The following ARHGAP18 variants were observed in gnomAD, a reference collection of about 807,000 sequenced individuals.
ARHGAP18 encodes Rho GTPase activating protein 18.
A neutral mutation model predicts 86.2 loss-of-function variants in ARHGAP18; 67 were observed. The ratio of observed to expected loss-of-function variants is 0.78; its 90% CI spans 0.64 to 0.95. The LOEUF is 0.95. Ranked by LOEUF, ARHGAP18 falls within the 40% of genes least tolerant of loss-of-function variation. The pLI is 0.00. For missense variants in ARHGAP18, 691 were observed against 780.4 expected (o/e 0.89, Z 1.37); for synonymous variants, 283 against 280.4 (o/e 1.01, Z -0.09).
At chr6:129,630,603 G>T (rs572669155) in intron 4 of ARHGAP18, among the ~76,000 whole-genome samples, 6 of 152,240 alleles carry the variant, frequency 3.9e-5, no homozygotes, top group South Asian at 2.1e-4. Context: ...GAAAAATAAT[G>T]TTTATATTCA....
At chr6:129,683,868 G>C (rs1372853824) in intron 1 of ARHGAP18, among the ~76,000 whole-genome samples, 1 of 152,188 alleles carries the variant, frequency 6.6e-6, no homozygotes, top group Non-Finnish European at 1.5e-5. Flanking sequence ...AACCACGGCG[G>C]GGGGGAGTTC....
chr6:129,707,997 C>T (rs1774829860), intron 1 of ARHGAP18, among the ~76,000 whole-genome samples: 1 of 152,016 alleles, frequency 6.6e-6, no homozygotes, highest in African/African-American at 2.4e-5. Flanking sequence ...AGGTGGTCAC[C>T]GAGGACCCCA....
At chr6:129,644,467 G>A (rs559379862) in intron 1 of ARHGAP18, among the ~76,000 whole-genome samples, 53 of 152,282 alleles carry the variant, frequency 3.5e-4, no homozygotes, top group South Asian at 2.5e-3. Context: ...TACCAGGATA[G>A]CTAATGTTAA....
chr6:129,620,614 G>A (rs1789207541), intron 5 of ARHGAP18, among the ~76,000 whole-genome samples: 1 of 152,128 alleles, frequency 6.6e-6, no homozygotes, highest in African/African-American at 2.4e-5. Flanking sequence ...TACAGTTTGG[G>A]TTTACCTTTG....
At chr6:129,704,921 C>T (rs1774778663) in intron 1 of ARHGAP18, among the ~76,000 whole-genome samples, 1 of 152,220 alleles carries the variant, frequency 6.6e-6, no homozygotes, top group Non-Finnish European at 1.5e-5. Flanking sequence ...CTGACCCCTG[C>T]AGTCATGCAG....
At chr6:129,677,906 CAAT>C (rs1376817661) in intron 1 of ARHGAP18, among the ~76,000 whole-genome samples, 1 of 152,082 alleles carries the variant, frequency 6.6e-6, no homozygotes, top group Non-Finnish European at 1.5e-5. Flanking sequence ...TCCCATACAG[CAAT>C]AATATTACCA....
chr6:129,601,947 T>C (rs1788755342), intron 10 of ARHGAP18, among the ~76,000 whole-genome samples: 1 of 152,224 alleles, frequency 6.6e-6, no homozygotes, highest in East Asian at 1.9e-4. Flanking sequence ...TTTTTTAAAA[T>C]GAATGAAAAG....
chr6:129,677,074 G>C (rs1351500808), intron 1 of ARHGAP18, among the ~76,000 whole-genome samples: 1 of 151,962 alleles, frequency 6.6e-6, no homozygotes, highest in African/African-American at 2.4e-5. Context: ...AGAGTCCTGT[G>C]CCAAAGGTCA....
chr6:129,669,569 T>G (rs983562686), intron 1 of ARHGAP18, among the ~76,000 whole-genome samples: 8 of 151,606 alleles, frequency 5.3e-5, no homozygotes, highest in African/African-American at 1.9e-4. Context: ...GCTGATCACC[T>G]GAGGTCGGGA....
intron 1 of ARHGAP18, among the ~76,000 whole-genome samples, chr6:129,667,469 ATGTGTGTGTG>A (rs376500003): frequency 3.8e-5 from 4 of 104,238 alleles, no homozygotes; most frequent in African/African-American, 7.4e-5. Flanking sequence ...AAAAATATAT[ATGTGTGTGTG>A]TGTGTGTGTG....
Position 129,616,215 on chromosome 6 carries a change from T to C in ARHGAP18, c.1041A>G (p.Gln347=). ...TGACCAATCCAAGCCTACCTACTTT[T>C]TGAAAGATCAAGGGTATTCGCATTC... ...VPGMRIPLIF[Q]KLISRIEERG... is the part of the protein sequence containing the mutation. Residue 347 remains glutamine, a synonymous_variant, in exon 7 of 15, where the codon CAA becomes CAG. Coordinates refer to ENST00000368149, the MANE Select transcript of ARHGAP18 (RefSeq NM_033515.3). The C allele has an allele frequency of 6.2e-7, 1 of 1,608,160 alleles. No individual in the cohort carries two copies. Among genetic ancestry groups the C allele is most frequent in the South Asian group, 1.1e-5 (1 of 89,438 alleles).
At chr6:129,615,457 G>A (rs1043196931) in intron 7 of ARHGAP18, among the ~76,000 whole-genome samples, 1 of 152,182 alleles carries the variant, frequency 6.6e-6, no homozygotes, top group African/African-American at 2.4e-5. Flanking sequence ...AAGAATAAGT[G>A]CCAAGTAGAT....
At chr6:129,664,264 A>C (rs1034634117) in intron 1 of ARHGAP18, among the ~76,000 whole-genome samples, 2 of 152,270 alleles carry the variant, frequency 1.3e-5, no homozygotes, top group Non-Finnish European at 2.9e-5. Flanking sequence ...ATGGGGAGAT[A>C]GGACTGAACT....
intron 3 of ARHGAP18, among the ~76,000 whole-genome samples, chr6:129,637,535 T>C (rs1255885939): frequency 6.6e-6 from 1 of 152,206 alleles, no homozygotes; most frequent in East Asian, 1.9e-4. Context: ...TCCTTACATA[T>C]CTTCCGTTCA....
rs71028176 is a variant in ARHGAP18, at chr6:129,686,978, C to CTTTTTTTTTT, written c.113+23036_113+23045dup. ...GCTAATTTTTTTTTCTTTTTTTTTT[C>CTTTTTTTTTT]TTTTTTTTTTTTTTTTTTGTATTTT... is the stretch of plus-strand genomic sequence containing the variant. On this transcript the variant is annotated intron_variant, in intron 1 of 14. Coordinates refer to ENST00000368149, the MANE Select transcript of ARHGAP18 (RefSeq NM_033515.3). 3.3e-3 allele frequency among the ~76,000 whole-genome samples: 348 copies of CTTTTTTTTTT among 106,786 alleles called. 1 individual carries two copies. Among genetic ancestry groups the CTTTTTTTTTT allele is most frequent in the Non-Finnish European group, 4.6e-3 (241 of 52,656 alleles). The allele number at this position is 106,786 out of a possible 152,430, so 70.1% of individuals were successfully genotyped here.
chr6:129,612,660 G>A (rs974801023), intron 7 of ARHGAP18, among the ~76,000 whole-genome samples: 3 of 152,168 alleles, frequency 2.0e-5, no homozygotes, highest in Non-Finnish European at 4.4e-5. Context: ...ACATAAAAGT[G>A]TCTGTTAGGA....
chr6:129,638,983 T>C (rs1773390817), intron 2 of ARHGAP18, among the ~76,000 whole-genome samples: 1 of 152,194 alleles, frequency 6.6e-6, no homozygotes, highest in South Asian at 2.1e-4. Context: ...ATGCTGGGGC[T>C]ATATATTAAG....
chr6:129,612,156 C>T (rs1452269329), intron 7 of ARHGAP18, among the ~76,000 whole-genome samples: 1 of 152,168 alleles, frequency 6.6e-6, no homozygotes, highest in East Asian at 1.9e-4. Context: ...GCTGATCTAA[C>T]TCCAGATTCC....
intron 2 of ARHGAP18, among the ~76,000 whole-genome samples, chr6:129,640,280 A>C (rs906679380): frequency 1.3e-5 from 2 of 152,218 alleles, no homozygotes; most frequent in Non-Finnish European, 2.9e-5. Context: ...AAACATTCCC[A>C]ATCTTCTTGA....
Sources: allele counts gnomAD v4.1 joint callset (sites outside exome capture counted in the v4.1 genomes callset), GRCh38; gene constraint gnomAD v4.1.1; transcripts MANE v1.5; gene names NCBI Gene and HGNC (gene_info 2026-07-23, HGNC 2026-07-21).